TBC1D5: variants seen among roughly 807,000 people sequenced by gnomAD.
The protein encoded by TBC1D5 is TBC1 domain family member 5.
Under a neutral mutation model 100.3 loss-of-function variants are expected in TBC1D5, and 75 were observed. The ratio of observed to expected loss-of-function variants is 0.75; its 90% confidence interval spans 0.62 to 0.91. The LOEUF (loss-of-function observed/expected upper bound fraction) is 0.91, where lower values mean the gene tolerates loss of function less well. Among genes scored for constraint, TBC1D5 ranks in the 40% least tolerant of loss-of-function variants. The pLI, the probability that TBC1D5 is intolerant of heterozygous loss-of-function variation, is 0.00. For synonymous variants in TBC1D5, 323 were observed against 325.6 expected, an observed-to-expected ratio of 0.99 and a Z score of 0.09; for missense variants, 910 against 942.4, an observed-to-expected ratio of 0.97 and a Z score of 0.45.
At chr3:17,672,459 G>A (rs1434722100) in intron 1 of TBC1D5, 1 of 152,176 alleles carries the variant, frequency 6.6e-6, no homozygotes, top group Non-Finnish European at 1.5e-5. Context: ...ACACGTTGCT[G>A]TGGCAAAATA....
intron 3 of TBC1D5, among the ~76,000 whole-genome samples, chr3:17,442,519 C>T (rs1045410991): frequency 1.6e-4 from 24 of 152,212 alleles, no homozygotes; most frequent in Non-Finnish European, 2.9e-4. Flanking sequence ...AAACCAGACA[C>T]AGTGTGTGGG....
chr3:17,297,527 G>A lies in TBC1D5; in HGVS notation c.1139-5526C>T, dbSNP rs542664860. Among the ~76,000 whole-genome samples the A allele has an allele frequency of 1.8e-3, 265 of 149,634 alleles. 2 individuals carry two copies. In the Middle Eastern group the frequency reaches 0.027, roughly 15 times the overall value. On this transcript the variant is annotated intron_variant, in intron 14 of 21. Coordinates refer to ENST00000253692, the Ensembl canonical transcript of TBC1D5. ...GGAAGTGGAGGTTGCAGTGAGCCCA[G>A]ATCACACCACCGCACTCCAGCCTGG...
intron 15 of TBC1D5, among the ~76,000 whole-genome samples, chr3:17,261,800 T>C (rs1347119339): frequency 6.6e-6 from 1 of 151,872 alleles, no homozygotes; most frequent in Non-Finnish European, 1.5e-5. Context: ...TGTTATTACA[T>C]GTGTGAGACA....
At chr3:17,630,871 T>C (rs1340546560) in intron 1 of TBC1D5, among the ~76,000 whole-genome samples, 1 of 65,834 alleles carries the variant, frequency 1.5e-5, no homozygotes, top group Admixed American at 1.8e-4. Flanking sequence ...CCGTCTCTAC[T>C]AAAAATACAA....
chr3:17,396,600 A>G (rs1009415081), intron 8 of TBC1D5, among the ~76,000 whole-genome samples: 2 of 152,190 alleles, frequency 1.3e-5, no homozygotes, highest in South Asian at 4.1e-4. Context: ...AAAAAAATCA[A>G]TAAATTACTC....
chr3:17,666,574 T>C (rs2067276036), intron 1 of TBC1D5, among the ~76,000 whole-genome samples: 1 of 152,172 alleles, frequency 6.6e-6, no homozygotes, highest in African/African-American at 2.4e-5. Context: ...GTATTTACCC[T>C]TCAAGTTAGA....
intron 3 of TBC1D5, among the ~76,000 whole-genome samples, chr3:17,485,235 T>C (rs1449565648): frequency 6.6e-6 from 1 of 152,098 alleles, no homozygotes. Context: ...ACATTATTAC[T>C]TTCTATGCTC....
At chr3:17,331,098 C>T (rs951913591) in intron 13 of TBC1D5, among the ~76,000 whole-genome samples, 1 of 152,136 alleles carries the variant, frequency 6.6e-6, no homozygotes, top group Non-Finnish European at 1.5e-5. Context: ...TGTGTCCCTG[C>T]AATTAGAATG....
At chr3:17,584,247 T>C (rs1035685570) in intron 2 of TBC1D5, among the ~76,000 whole-genome samples, 1 of 152,212 alleles carries the variant, frequency 6.6e-6, no homozygotes, top group Non-Finnish European at 1.5e-5. Flanking sequence ...ATGATGGAAA[T>C]GTTCCAAACT....
chr3:17,292,016 A>G lies in TBC1D5; in HGVS notation c.1139-15T>C. 1 of 1,595,950 alleles carries G rather than the reference A, an allele frequency of 6.3e-7. No homozygotes were observed. Among genetic ancestry groups the G allele is most frequent in the Non-Finnish European group, 8.6e-7 (1 of 1,164,952 alleles). On this transcript the variant is annotated splice_polypyrimidine_tract_variant and intron_variant, in intron 14 of 21. Coordinates refer to ENST00000253692, the Ensembl canonical transcript of TBC1D5. ...ACTAGAGATCACTAAATAAGAAGAA[A>G]AAATAATTCAGATGCAATACTATTT...
At chr3:17,590,701 G>A (rs114530467) in intron 2 of TBC1D5, among the ~76,000 whole-genome samples, 159 of 152,282 alleles carry the variant, frequency 1.0e-3, no homozygotes, top group African/African-American at 3.6e-3. Context: ...GTTGGATCCC[G>A]AGGTGGCAGG....
chr3:17,334,783 G>A (rs573162206), intron 13 of TBC1D5, among the ~76,000 whole-genome samples: 146 of 152,172 alleles, frequency 9.6e-4, no homozygotes, highest in Non-Finnish European at 1.5e-3. Flanking sequence ...TGGATAAGCC[G>A]TTTTCATATT....
At chr3:17,556,074 G>A (rs1405033520) in intron 2 of TBC1D5, among the ~76,000 whole-genome samples, 1 of 152,096 alleles carries the variant, frequency 6.6e-6, no homozygotes, top group Non-Finnish European at 1.5e-5. Flanking sequence ...CCAGGCAGTG[G>A]CGCAATCTCA....
intron 15 of TBC1D5, among the ~76,000 whole-genome samples, chr3:17,265,371 A>G (rs1169495885): frequency 6.6e-6 from 1 of 152,104 alleles, no homozygotes; most frequent in African/African-American, 2.4e-5. Context: ...CTTTCCCCTA[A>G]TATCTTGCTA....
rs116646865 is a variant in TBC1D5, at chr3:17,486,731, C to T, written c.97+21743G>A. Among the ~76,000 whole-genome samples, 1,505 of 152,194 alleles carry T rather than the reference C, an allele frequency of 9.9e-3. 27 individuals carry two copies. Among genetic ancestry groups the T allele is most frequent in the African/African-American group, 0.034 (1,410 of 41,536 alleles). On this transcript the variant is annotated intron_variant, in intron 3 of 21. Transcript: ENST00000253692. ...ACACTGTGGCATTTTAAGTAGCCCACCTAGCATCTTCACCCTCTAGATCTA... is the reference window on the plus strand; with the variant it reads ...ACACTGTGGCATTTTAAGTAGCCCATCTAGCATCTTCACCCTCTAGATCTA...
chr3:17,417,981 T>C (rs1483983147), intron 4 of TBC1D5, among the ~76,000 whole-genome samples: 1 of 152,144 alleles, frequency 6.6e-6, no homozygotes, highest in Non-Finnish European at 1.5e-5. Context: ...TGCATTAGTT[T>C]CCTAATCTGA....
chr3:17,598,002 C>CT (rs201353326), intron 2 of TBC1D5, among the ~76,000 whole-genome samples: 1,284 of 115,410 alleles, frequency 0.011, 7 homozygotes, highest in Middle Eastern at 0.024. Flanking sequence ...CATTCCCTGC[C>CT]CCCCCGCCCC....
chr3:17,294,510 T>C (rs1365828282), intron 14 of TBC1D5, among the ~76,000 whole-genome samples: 1 of 152,228 alleles, frequency 6.6e-6, no homozygotes. Context: ...ACAATAATCC[T>C]GTTTTCATAA....
chr3:17,719,210 A>C (rs896873337), intron 1 of TBC1D5, among the ~76,000 whole-genome samples: 1 of 152,192 alleles, frequency 6.6e-6, no homozygotes, highest in African/African-American at 2.4e-5. Context: ...ATCAACTAAT[A>C]ACACTGGTCA....
Sources: gnomAD v4.1 joint callset for allele counts (sites outside exome capture counted in the v4.1 genomes callset) on GRCh38, gnomAD v4.1.1 for gene constraint, MANE v1.5 for transcripts, NCBI Gene and HGNC (gene_info 2026-07-23, HGNC 2026-07-21) for gene names.